Variants in PDZRN4 observed in about 807,000 individuals in gnomAD.
PDZRN4 encodes the protein PDZ domain containing ring finger 4, also known as PDZ domain-containing RING finger protein 4.
In PDZRN4, 70 loss-of-function variants were observed where a neutral mutation model predicts 99.0. The observed-to-expected ratio is 0.71, with a 90% CI of 0.58 to 0.86. The LOEUF is 0.86. Ranked by LOEUF, PDZRN4 falls within the 40% of genes least tolerant of loss-of-function variation. The pLI is 0.00. For missense variants in PDZRN4, 1,474 were observed against 1,331.2 expected, an observed-to-expected ratio of 1.11 and a Z score of -1.67; for synonymous variants, 551 against 501.6, an observed-to-expected ratio of 1.10 and a Z score of -1.32.
chr12:41,500,440 T>C (rs1048202141), intron 3 of PDZRN4, among the ~76,000 whole-genome samples: 2 of 152,048 alleles, frequency 1.3e-5, no homozygotes, highest in Non-Finnish European at 2.9e-5. Context: ...AAAAATCCAA[T>C]TATAGCACTG....
chr12:41,541,817 G>C (rs1592104184), intron 5 of PDZRN4, among the ~76,000 whole-genome samples: 1 of 152,268 alleles, frequency 6.6e-6, no homozygotes, highest in Middle Eastern at 3.4e-3. Context: ...CGAATGTTTA[G>C]ACTTTGCTTT....
chr12:41,440,768 T>A (rs1262581908), intron 3 of PDZRN4, among the ~76,000 whole-genome samples: 1 of 152,180 alleles, frequency 6.6e-6, no homozygotes, highest in Non-Finnish European at 1.5e-5. Context: ...TTAACTTTTA[T>A]ATGTGCCAGG....
In PDZRN4 at chr12:41,540,742, A is replaced by G. The variant is rs536515725; in HGVS notation, c.1204-11914A>G. Among the ~76,000 whole-genome samples, 3 of 152,350 alleles carry G rather than the reference A, an allele frequency of 2.0e-5. 1 individual carries two copies. Among genetic ancestry groups the G allele is most frequent in the Non-Finnish European group, 4.4e-5 (3 of 68,028 alleles). On this transcript the variant is annotated intron_variant, in intron 5 of 9. Coordinates refer to ENST00000402685, the MANE Select transcript of PDZRN4 (RefSeq NM_001164595.2). ...TCTAGCTCAATTTTACAGTAAATAT[A>G]GCCTCTCTATTAAACTCTGTGTGCT...
chr12:41,483,281 A>G (rs1054496999), intron 3 of PDZRN4, among the ~76,000 whole-genome samples: 1 of 152,146 alleles, frequency 6.6e-6, no homozygotes, highest in Non-Finnish European at 1.5e-5. Flanking sequence ...CATTCTGTCT[A>G]TGAACTTACA....
intron 3 of PDZRN4, among the ~76,000 whole-genome samples, chr12:41,279,104 A>G (rs1172744413): frequency 6.6e-6 from 1 of 152,218 alleles, no homozygotes; most frequent in East Asian, 1.9e-4. Context: ...GAAACCAGTT[A>G]CACGCAGGGT....
In PDZRN4 at chr12:41,572,598, G is replaced by A; in HGVS notation, c.1819G>A (p.Val607Ile). 4 of 1,614,112 alleles carry A rather than the reference G, an allele frequency of 2.5e-6. No individual in the cohort carries two copies. Among genetic ancestry groups the A allele is most frequent in the South Asian group, 1.1e-5 (1 of 91,084 alleles). Reference protein sequence around the residue: ...SVELQYNESLVSGEYIDSDCI... With the variant: ...SVELQYNESLISGEYIDSDCI... ...TGAACTTCAGTACAATGAGAGCCTC[G>A]TATCTGGTGAATACATTGACTCAGA... Residue 607 changes from valine to isoleucine, a missense_variant, in exon 10 of 10, where the codon GTA (valine) becomes ATA (isoleucine). Coordinates refer to ENST00000402685, the MANE Select transcript of PDZRN4 (RefSeq NM_001164595.2).
intron 3 of PDZRN4, among the ~76,000 whole-genome samples, chr12:41,373,930 A>G (rs1952061709): frequency 6.6e-6 from 1 of 152,204 alleles, no homozygotes; most frequent in Non-Finnish European, 1.5e-5. Flanking sequence ...TTCTTCTGCC[A>G]TGGCTTTAGC....
chr12:41,410,577 C>G (rs2120373701), intron 3 of PDZRN4, among the ~76,000 whole-genome samples: 1 of 152,272 alleles, frequency 6.6e-6, no homozygotes, highest in Non-Finnish European at 1.5e-5. Context: ...TTAGATGGTG[C>G]AGTCTTTTCT....
intron 3 of PDZRN4, among the ~76,000 whole-genome samples, chr12:41,466,496 C>A (rs1222418495): frequency 1.3e-5 from 2 of 152,176 alleles, no homozygotes; most frequent in African/African-American, 2.4e-5. Flanking sequence ...AAAGAGCCCC[C>A]TGTGCCTGCC....
chr12:41,357,652 T>C (rs1434618608), intron 3 of PDZRN4, among the ~76,000 whole-genome samples: 3 of 152,004 alleles, frequency 2.0e-5, no homozygotes, highest in Admixed American at 6.6e-5. Flanking sequence ...GTACTGTACC[T>C]AGTATTTAAT....
At position 41,337,810 on chromosome 12, in the gene PDZRN4, C is replaced by T. The variant is rs145449294; in HGVS notation, c.843+143622C>T. On this transcript the variant is annotated intron_variant, in intron 3 of 9. Coordinates refer to ENST00000402685, the MANE Select transcript of PDZRN4 (RefSeq NM_001164595.2). The stretch of plus-strand genomic sequence containing the variant: ...TGCAGAGATTAACCATCTTTGACAC[C>T]AATCCTCTTCTTAAACGGACCAAAG... Among the ~76,000 whole-genome samples the T allele has an allele frequency of 3.4e-3, 525 of 152,226 alleles. 3 individuals carry two copies. The highest frequency in any genetic ancestry group is 0.012 in the African/African-American group (493 of 41,554).
At chr12:41,401,319 A>G (rs189976037) in intron 3 of PDZRN4, among the ~76,000 whole-genome samples, 3 of 152,294 alleles carry the variant, frequency 2.0e-5, no homozygotes, top group African/African-American at 4.8e-5. Context: ...TAAAACTGAA[A>G]GTTTCTCTCC....
At chr12:41,312,862 GCAATTT>G (rs1165013184) in intron 3 of PDZRN4, among the ~76,000 whole-genome samples, 1 of 152,048 alleles carries the variant, frequency 6.6e-6, no homozygotes, top group Non-Finnish European at 1.5e-5. Context: ...CTGTTCCCAG[GCAATTT>G]CATTCAACCC....
chr12:41,197,857 T>C (rs924032972), intron 3 of PDZRN4, among the ~76,000 whole-genome samples: 2 of 151,928 alleles, frequency 1.3e-5, no homozygotes, highest in African/African-American at 2.4e-5. Flanking sequence ...CTGTTGCTTT[T>C]AGCATCGATT....
intron 3 of PDZRN4, among the ~76,000 whole-genome samples, chr12:41,465,672 G>C (rs1952917718): frequency 6.6e-6 from 1 of 152,126 alleles, no homozygotes; most frequent in East Asian, 1.9e-4. Flanking sequence ...ATAGTCTTGT[G>C]TTATATCTGG....
intron 5 of PDZRN4, among the ~76,000 whole-genome samples, chr12:41,516,963 C>T (rs1475422991): frequency 6.6e-6 from 1 of 151,812 alleles, no homozygotes; most frequent in East Asian, 1.9e-4. Context: ...ATTGAGATTC[C>T]TTTTTATTTT....
At chr12:41,256,913 G>GTATCACCATATTTCATTGTTATACA (rs1566400230) in intron 3 of PDZRN4, among the ~76,000 whole-genome samples, 1 of 152,000 alleles carries the variant, frequency 6.6e-6, no homozygotes, top group African/African-American at 2.4e-5. Context: ...TTGCTTATAC[G>GTATCACCATATTTCATTGTTATACA]TATCACCATA....
intron 6 of PDZRN4, among the ~76,000 whole-genome samples, chr12:41,554,714 C>T (rs1361936843): frequency 6.6e-6 from 1 of 152,038 alleles, no homozygotes; most frequent in African/African-American, 2.4e-5. Context: ...CTAATACAGC[C>T]TTAAATATCT....
chr12:41,474,393 G>A (rs1171694158), intron 3 of PDZRN4, among the ~76,000 whole-genome samples: 1 of 152,148 alleles, frequency 6.6e-6, no homozygotes, highest in Non-Finnish European at 1.5e-5. Context: ...CTAAGCACTT[G>A]GCAAAAATGA....
Sources: allele counts gnomAD v4.1 joint callset (sites outside exome capture counted in the v4.1 genomes callset), GRCh38; gene constraint gnomAD v4.1.1; transcripts MANE v1.5; gene names NCBI Gene and HGNC (gene_info 2026-07-23, HGNC 2026-07-21).